Variants in ZNF91 observed in about 807,000 individuals in gnomAD.
ZNF91 encodes zinc finger protein 91, also known as zinc finger protein 91 (HPF7, HTF10).
A neutral mutation model predicts 12.6 loss-of-function variants in ZNF91; 7 were observed. The observed-to-expected ratio is 0.55, with a 90% CI of 0.31 to 1.04. The LOEUF is 1.04. ZNF91 is among the 50% of genes least tolerant of loss of function. The pLI is 0.05. For synonymous variants in ZNF91, 453 were observed against 462.6 expected, an observed-to-expected ratio of 0.98 and a Z score of 0.27; for missense variants, 1,217 against 1,385.4, an observed-to-expected ratio of 0.88 and a Z score of 1.93.
intron 3 of ZNF91, among the ~76,000 whole-genome samples, chr19:23,365,178 G>GA (rs1230472886): frequency 6.8e-6 from 1 of 146,298 alleles, no homozygotes; most frequent in Non-Finnish European, 1.5e-5. Context: ...TGTAATAAAA[G>GA]AAAAAAAATT....
intron 1 of ZNF91, among the ~76,000 whole-genome samples, chr19:23,333,627 T>C (rs1248977926): frequency 6.6e-6 from 1 of 152,196 alleles, no homozygotes; most frequent in African/African-American, 2.4e-5. Context: ...AATCTTGCAT[T>C]GTGATAAGCA....
intron 3 of ZNF91, among the ~76,000 whole-genome samples, chr19:23,346,083 ACTGAACAT>A (rs1968224074): frequency 1.3e-5 from 2 of 152,164 alleles, no homozygotes. Flanking sequence ...AGTGGCAGAA[ACTGAACAT>A]GTTGTTAGAG....
intron 1 of ZNF91, chr19:23,328,472 G>A (rs531755876): frequency 1.3e-5 from 2 of 152,330 alleles, no homozygotes; most frequent in East Asian, 3.9e-4. Context: ...GGGAAGTACA[G>A]TGTCTGGAAG....
chr19:23,328,130 C>T (rs1188677154), intron 1 of ZNF91: 1 of 151,926 alleles, frequency 6.6e-6, no homozygotes, highest in African/African-American at 2.4e-5. Flanking sequence ...CTGTCTTTAC[C>T]ACCAAGCCTA....
At chr19:23,392,232 C>T (rs942468897) in intron 1 of ZNF91, among the ~76,000 whole-genome samples, 2 of 151,380 alleles carry the variant, frequency 1.3e-5, no homozygotes, top group African/African-American at 4.9e-5. Context: ...CCCGCCTCTA[C>T]TAAAAATACA....
chr19:23,367,249 G>A (rs1252592698), intron 3 of ZNF91, among the ~76,000 whole-genome samples: 2 of 152,138 alleles, frequency 1.3e-5, no homozygotes, highest in Non-Finnish European at 2.9e-5. Flanking sequence ...TCAAGATTAT[G>A]CCAATACACT....
chr19:23,327,079 A>G (rs1484447620), intron 1 of ZNF91: 3 of 152,216 alleles, frequency 2.0e-5, no homozygotes, highest in Non-Finnish European at 4.4e-5. Flanking sequence ...CACTAGTGGC[A>G]TGAGTTAATA....
chr19:23,378,770 C>A (rs1969594985), intron 1 of ZNF91, among the ~76,000 whole-genome samples: 1 of 152,186 alleles, frequency 6.6e-6, no homozygotes, highest in Admixed American at 6.5e-5. Flanking sequence ...CCTTTTGATG[C>A]ATAATTAAAC....
intron 1 of ZNF91, chr19:23,384,916 T>G (rs1969827032): frequency 1.3e-6 from 1 of 781,262 alleles, no homozygotes; most frequent in Non-Finnish European, 2.4e-6. Context: ...GAACTTTAAT[T>G]CCAAACAGGA....
At chr19:23,357,056 G>C, downstream of ZNF91, among the ~76,000 whole-genome samples, 1 of 152,180 alleles carries the variant, frequency 6.6e-6, no homozygotes, top group Non-Finnish European at 1.5e-5. Flanking sequence ...GTGAAACCCC[G>C]TCTCTACTAA....
At chr19:23,345,808 C>G (rs1008736030) in intron 3 of ZNF91, among the ~76,000 whole-genome samples, 1 of 152,036 alleles carries the variant, frequency 6.6e-6, no homozygotes, top group African/African-American at 2.4e-5. Flanking sequence ...CCTATATCGT[C>G]CCCTCCTCAG....
intron 3 of ZNF91, among the ~76,000 whole-genome samples, chr19:23,364,473 T>C (rs1968923482): frequency 1.3e-5 from 2 of 152,114 alleles, no homozygotes; most frequent in Admixed American, 1.3e-4. Context: ...AGTTGTTTAA[T>C]ATGTATTAAG....
At chr19:23,313,338 T>C (rs1449345299), upstream of ZNF91, among the ~76,000 whole-genome samples, 8 of 152,140 alleles carry the variant, frequency 5.3e-5, no homozygotes, top group East Asian at 1.9e-4. Context: ...ACAGGGCACA[T>C]TGTTGGAACT....
chr19:23,392,271 C>A (rs1429741846), intron 1 of ZNF91, among the ~76,000 whole-genome samples: 2 of 151,626 alleles, frequency 1.3e-5, no homozygotes, highest in African/African-American at 4.8e-5. Context: ...TGGCAAGCGC[C>A]TGTAATCCCA....
intron 3 of ZNF91, among the ~76,000 whole-genome samples, chr19:23,369,867 C>T (rs1296254725): frequency 1.1e-4 from 16 of 151,030 alleles, no homozygotes; most frequent in East Asian, 1.9e-4. Flanking sequence ...ACAAACACTG[C>T]GGAAGGCCGC....
At chr19:23,305,428 T>G (rs1967384219) in intron 3 of ZNF91, among the ~76,000 whole-genome samples, 1 of 152,092 alleles carries the variant, frequency 6.6e-6, no homozygotes, top group African/African-American at 2.4e-5. Flanking sequence ...TCTAGGTAAT[T>G]CTGATCAGCC....
intron 1 of ZNF91, chr19:23,384,443 C>T (rs547117460): frequency 1.7e-5 from 6 of 351,524 alleles, no homozygotes; most frequent in Non-Finnish European, 2.4e-5. Context: ...CAGTTCCTAA[C>T]GAAAAAGATT....
At chr19:23,374,417 G>A (rs372905916) in intron 2 of ZNF91, among the ~76,000 whole-genome samples, 29 of 147,830 alleles carry the variant, frequency 2.0e-4, no homozygotes, top group African/African-American at 6.4e-4. Context: ...AAAATTAGCC[G>A]GGCATGGTGG....
Position 23,395,264 on chromosome 19 carries a change from A to T in ZNF91, c.30+61T>A. 3.8e-6 allele frequency: 6 copies of T among 1,595,934 alleles called. No individual in the cohort carries two copies. In the South Asian group the frequency reaches 6.7e-5, roughly 18 times the overall value. ...AAGGCCTGAGGCTCGCCACAGCCGC[A>T]TCCCACCGGTTTCAACGAGCCCCGT... is the stretch of plus-strand genomic sequence containing the variant. On this transcript the variant is annotated intron_variant, in intron 1 of 3. Transcript: ENST00000300619.
Sources: allele counts gnomAD v4.1 joint callset (sites outside exome capture counted in the v4.1 genomes callset), GRCh38; gene constraint gnomAD v4.1.1; transcripts MANE v1.5; gene names NCBI Gene and HGNC (gene_info 2026-07-23, HGNC 2026-07-21).